The following NAALADL2 variants were observed in gnomAD, a reference collection of about 807,000 sequenced individuals.
NAALADL2 encodes N-acetylated alpha-linked acidic dipeptidase like 2.
A neutral mutation model predicts 87.2 loss-of-function variants in NAALADL2; 76 were observed. The ratio of observed to expected loss-of-function variants is 0.87; its 90% CI spans 0.72 to 1.05. NAALADL2 has a LOEUF of 1.05. NAALADL2 is among the 50% of genes least tolerant of loss of function. NAALADL2 has a pLI of 0.00. For missense variants in NAALADL2, 1,089 were observed against 945.8 expected (o/e 1.15, Z -1.99); for synonymous variants, 354 against 331.0 (o/e 1.07, Z -0.75).
chr3:175,131,765 C>CG (rs1560067710), intron 2 of NAALADL2, among the ~76,000 whole-genome samples: 4 of 143,922 alleles, frequency 2.8e-5, no homozygotes, highest in Non-Finnish European at 6.1e-5. Context: ...GCTGGCCGGG[C>CG]AGGGGGCTGA....
intron 11 of NAALADL2, among the ~76,000 whole-genome samples, chr3:175,666,861 CTAA>C (rs1256335967): frequency 1.3e-5 from 2 of 151,320 alleles, no homozygotes; most frequent in East Asian, 1.9e-4. Flanking sequence ...TAAAGTCCAA[CTAA>C]TAATAAGAAC....
At chr3:175,498,679 A>G (rs1729139663) in intron 9 of NAALADL2, among the ~76,000 whole-genome samples, 1 of 152,086 alleles carries the variant, frequency 6.6e-6, no homozygotes, top group African/African-American at 2.4e-5. Context: ...TTTATATTTA[A>G]AAATAATATA....
intron 4 of NAALADL2, among the ~76,000 whole-genome samples, chr3:175,300,468 T>TGTTATTG (rs1390526904): frequency 6.6e-6 from 1 of 152,170 alleles, no homozygotes; most frequent in Non-Finnish European, 1.5e-5. Flanking sequence ...TTTCAGAACT[T>TGTTATTG]GTTATTGGTC....
At chr3:175,023,014 A>G (rs1233306066) in intron 1 of NAALADL2, among the ~76,000 whole-genome samples, 1 of 152,054 alleles carries the variant, frequency 6.6e-6, no homozygotes, top group Non-Finnish European at 1.5e-5. Context: ...AATATTGTGG[A>G]ATTTTCTTTC....
At chr3:175,710,710 A>G (rs1224205335) in intron 11 of NAALADL2, among the ~76,000 whole-genome samples, 3 of 150,792 alleles carry the variant, frequency 2.0e-5, no homozygotes, top group East Asian at 1.9e-4. Context: ...ATATATCTAC[A>G]TAGAAAGACA....
intron 1 of NAALADL2, among the ~76,000 whole-genome samples, chr3:174,927,621 CGAAAT>C (rs754240048): frequency 2.6e-5 from 4 of 152,022 alleles, no homozygotes; most frequent in African/African-American, 9.7e-5. Context: ...GGGTACATAA[CGAAAT>C]GAAGGCAGAA....
In NAALADL2 at chr3:175,747,098, C is replaced by G. The variant is rs192997840; in HGVS notation, c.1991-8122C>G. Among the ~76,000 whole-genome samples the G allele has an allele frequency of 6.6e-4, 101 of 152,286 alleles. 1 individual carries two copies. Among genetic ancestry groups the G allele is most frequent in the Admixed American group, 9.2e-4 (14 of 15,290 alleles). On this transcript the variant is annotated intron_variant, in intron 12 of 13. Coordinates refer to ENST00000454872, the MANE Select transcript of NAALADL2 (RefSeq NM_207015.3). ...GCTGGCTCTTTAAGGCTGATTGTCT[C>G]CCCATTGTCAGAGTATGTCTTCAAA...
intron 2 of NAALADL2, among the ~76,000 whole-genome samples, chr3:175,165,790 C>G (rs1733909314): frequency 2.0e-5 from 3 of 152,060 alleles, no homozygotes; most frequent in African/African-American, 7.2e-5. Flanking sequence ...CTCTCTCTGC[C>G]TGATACTCCT....
intron 5 of NAALADL2, among the ~76,000 whole-genome samples, chr3:175,337,364 A>T (rs2148824042): frequency 6.6e-6 from 1 of 152,258 alleles, no homozygotes; most frequent in East Asian, 1.9e-4. Flanking sequence ...TTTCAAAATT[A>T]ATATGTTCAG....
intron 3 of NAALADL2, among the ~76,000 whole-genome samples, chr3:175,241,039 CT>C (rs1278718263): frequency 6.6e-6 from 1 of 152,064 alleles, no homozygotes; most frequent in Non-Finnish European, 1.5e-5. Flanking sequence ...AAAAATCCAT[CT>C]TTTGGCAACA....
chr3:174,902,500 T>G (rs1305396774), intron 1 of NAALADL2, among the ~76,000 whole-genome samples: 1 of 151,866 alleles, frequency 6.6e-6, no homozygotes, highest in Non-Finnish European at 1.5e-5. Context: ...GACTCTAAAA[T>G]AACTCAAAAA....
chr3:175,344,845 A>G (rs2148852806), intron 5 of NAALADL2, among the ~76,000 whole-genome samples: 1 of 152,192 alleles, frequency 6.6e-6, no homozygotes, highest in East Asian at 1.9e-4. Flanking sequence ...ATACTTTTAT[A>G]AATGTTGTAC....
intron 9 of NAALADL2, among the ~76,000 whole-genome samples, chr3:175,484,362 CAT>C (rs1393535367): frequency 6.6e-6 from 1 of 151,994 alleles, no homozygotes; most frequent in African/African-American, 2.4e-5. Context: ...ATGTAAGTAA[CAT>C]AAATCATGTT....
chr3:175,510,270 C>T (rs1261770064), intron 9 of NAALADL2, among the ~76,000 whole-genome samples: 4 of 152,068 alleles, frequency 2.6e-5, no homozygotes, highest in Non-Finnish European at 5.9e-5. Flanking sequence ...CCCCATGATT[C>T]AATTACCTCC....
chr3:175,292,439 G>C (rs1454968209), intron 4 of NAALADL2, among the ~76,000 whole-genome samples: 3 of 152,118 alleles, frequency 2.0e-5, no homozygotes, highest in African/African-American at 4.8e-5. Context: ...AAGTGATTTT[G>C]TGGGCTGCCA....
chr3:175,310,537 C>T (rs1467786420), intron 4 of NAALADL2, among the ~76,000 whole-genome samples: 1 of 152,002 alleles, frequency 6.6e-6, no homozygotes, highest in Admixed American at 6.6e-5. Context: ...TAGTTATTAT[C>T]TGTAAGTTTC....
chr3:174,972,522 G>C (rs1369790097), intron 1 of NAALADL2, among the ~76,000 whole-genome samples: 3 of 151,876 alleles, frequency 2.0e-5, no homozygotes, highest in Non-Finnish European at 4.4e-5. Context: ...TTTTATTATA[G>C]AGACATTAGT....
intron 2 of NAALADL2, among the ~76,000 whole-genome samples, chr3:174,611,171 G>T (rs923542032): frequency 5.7e-5 from 8 of 140,492 alleles, no homozygotes; most frequent in African/African-American, 1.3e-4. Flanking sequence ...GTTGTGAGGT[G>T]GGGGGAGGGG....
Position 174,626,213 on chromosome 3 carries a change from A to G in NAALADL2, c.-115+75576A>G, listed in dbSNP as rs188683744. On this transcript the variant is annotated intron_variant, in intron 2 of 3. Coordinates refer to the NAALADL2 transcript ENST00000434257. ...GTAATGAGATTTCGGGTCAAAGGGT[A>G]GAGTTAGTTTTAAATTCAAATATAC... is the stretch of plus-strand genomic sequence containing the variant. Among the ~76,000 whole-genome samples, 20 of 151,920 alleles carry G rather than the reference A, an allele frequency of 1.3e-4. No homozygotes were observed. The East Asian group carries it at 2.5e-3, about 19-fold the overall frequency.
Sources: gnomAD v4.1 joint callset for allele counts (sites outside exome capture counted in the v4.1 genomes callset) on GRCh38, gnomAD v4.1.1 for gene constraint, MANE v1.5 for transcripts, NCBI Gene and HGNC (gene_info 2026-07-23, HGNC 2026-07-21) for gene names.